Variants in PRKN observed in about 807,000 individuals in gnomAD.
PRKN encodes the protein E3 ubiquitin-protein ligase parkin.
In PRKN, 56 loss-of-function variants were observed where a neutral mutation model predicts 59.5. That is an observed-to-expected ratio of 0.94 (90% CI 0.76 to 1.18). The LOEUF (loss-of-function observed/expected upper bound fraction) is 1.18. PRKN is among the 50% of genes most tolerant of loss of function. PRKN has a pLI of 0.00. For missense variants in PRKN, 657 were observed against 596.4 expected (o/e 1.10, Z -1.06); for synonymous variants, 250 against 222.1 (o/e 1.13, Z -1.12).
chr6:162,166,679 T>C (rs1245960396), intron 4 of PRKN, among the ~76,000 whole-genome samples: 1 of 152,188 alleles, frequency 6.6e-6, no homozygotes, highest in East Asian at 1.9e-4. Flanking sequence ...TGGAGAAGGA[T>C]AGATAGATAT....
chr6:162,405,383 G>A (rs1490741453), intron 2 of PRKN, among the ~76,000 whole-genome samples: 1 of 152,144 alleles, frequency 6.6e-6, no homozygotes, highest in Non-Finnish European at 1.5e-5. Context: ...TTGGACATCT[G>A]TATGAATTCA....
chr6:162,470,523 G>A (rs1000338185), intron 1 of PRKN, among the ~76,000 whole-genome samples: 2 of 151,946 alleles, frequency 1.3e-5, no homozygotes, highest in African/African-American at 2.4e-5. Context: ...CCCGGGAGGC[G>A]GAGGTTGCAG....
intron 9 of PRKN, among the ~76,000 whole-genome samples, chr6:161,441,057 G>C (rs1789191913): frequency 6.6e-6 from 1 of 152,136 alleles, no homozygotes; most frequent in African/African-American, 2.4e-5. Flanking sequence ...TTGAATTTTG[G>C]CCAGCTAAAC....
intron 9 of PRKN, among the ~76,000 whole-genome samples, chr6:161,521,423 C>T (rs11967382): frequency 0.14 from 21,760 of 152,172 alleles, 1,707 homozygotes; most frequent in African/African-American, 0.19. Context: ...TATGCAGAAA[C>T]TCAACTGCAC....
chr6:162,013,544 G>A (rs1782817812), intron 5 of PRKN, among the ~76,000 whole-genome samples: 1 of 152,134 alleles, frequency 6.6e-6, no homozygotes, highest in South Asian at 2.1e-4. Flanking sequence ...GACGAAGCTA[G>A]GAAATGTGTG....
At chr6:162,426,758 C>T (rs530146959) in intron 2 of PRKN, among the ~76,000 whole-genome samples, 164 of 152,344 alleles carry the variant, frequency 1.1e-3, no homozygotes, top group African/African-American at 3.9e-3. Flanking sequence ...AAAACCAAAA[C>T]TTTAAAATGT....
intron 7 of PRKN, among the ~76,000 whole-genome samples, chr6:161,768,235 CT>C (rs1205184671): frequency 2.6e-5 from 4 of 152,082 alleles, no homozygotes; most frequent in African/African-American, 9.7e-5. Flanking sequence ...TTTGGGATGG[CT>C]CAAATGCATC....
rs1258512029 is a variant in PRKN, at chr6:161,545,302, G to T, written c.1083+3552C>A. On this transcript the variant is annotated intron_variant, in intron 9 of 11. Coordinates refer to ENST00000366898, the MANE Select transcript of PRKN (RefSeq NM_004562.3). The surrounding 1 kb of genome is among the most constrained non-coding windows in gnomAD (Gnocchi z 4.1). ...CCTGATAATCACTGGAGTTAATGAC[G>T]TCTAGGGCTTTTTCCACATCTGGAA... The T allele has an allele frequency of 6.4e-7, 1 of 1,558,272 alleles. No homozygotes were observed.
chr6:162,240,453 G>A (rs867248281), intron 3 of PRKN, among the ~76,000 whole-genome samples: 3 of 151,962 alleles, frequency 2.0e-5, no homozygotes, highest in Non-Finnish European at 4.4e-5. Flanking sequence ...AGATATTAAC[G>A]AAAAATTGCT....
intron 3 of PRKN, among the ~76,000 whole-genome samples, chr6:162,220,459 A>C (rs575686104): frequency 1.3e-5 from 2 of 152,260 alleles, no homozygotes; most frequent in Admixed American, 1.3e-4. Context: ...ATGGGGGAAA[A>C]ATTTTCAACA....
intron 6 of PRKN, among the ~76,000 whole-genome samples, chr6:161,941,190 G>A (rs1276489922): frequency 1.3e-5 from 2 of 152,164 alleles, no homozygotes; most frequent in Non-Finnish European, 2.9e-5. Flanking sequence ...CATTTCCCAA[G>A]ACCACCCTGG....
chr6:162,256,010 G>T (rs530797700), intron 3 of PRKN, among the ~76,000 whole-genome samples: 14 of 152,224 alleles, frequency 9.2e-5, no homozygotes, highest in African/African-American at 3.4e-4. Flanking sequence ...AATTTGCAAA[G>T]AATTAGAATC....
chr6:162,243,573 T>C (rs753267621), intron 3 of PRKN, among the ~76,000 whole-genome samples: 1 of 152,182 alleles, frequency 6.6e-6, no homozygotes, highest in Non-Finnish European at 1.5e-5. Context: ...TAGAGGTTTC[T>C]AGTACATAGT....
At chr6:162,070,905 C>T (rs546491804) in intron 4 of PRKN, among the ~76,000 whole-genome samples, 18 of 152,098 alleles carry the variant, frequency 1.2e-4, no homozygotes, top group Admixed American at 6.5e-4. Context: ...TTGGGCACCG[C>T]TGCCCTAGGG....
chr6:161,637,849 G>A (rs1783585388), intron 7 of PRKN, among the ~76,000 whole-genome samples: 1 of 152,128 alleles, frequency 6.6e-6, no homozygotes, highest in African/African-American at 2.4e-5. Flanking sequence ...AAATTTGGGC[G>A]TGCTCCCAGA....
intron 7 of PRKN, among the ~76,000 whole-genome samples, chr6:161,637,810 G>A (rs1783583856): frequency 1.3e-5 from 2 of 152,170 alleles, no homozygotes; most frequent in African/African-American, 4.8e-5. Context: ...TCCCTTACTT[G>A]AGAGCAAATA....
intron 2 of PRKN, among the ~76,000 whole-genome samples, chr6:162,383,358 A>G (rs1471689696): frequency 6.6e-6 from 1 of 152,236 alleles, no homozygotes. Context: ...CAAGCATGAA[A>G]ACAACATTCA....
chr6:161,501,998 G>A (rs766166863), intron 9 of PRKN, among the ~76,000 whole-genome samples: 5 of 152,140 alleles, frequency 3.3e-5, no homozygotes, highest in Non-Finnish European at 7.3e-5. Context: ...TGACATGAGA[G>A]AGAAAGTCTG....
At chr6:161,733,783 AATATATATATATATGTATATATATAT>A (rs1787829360) in intron 7 of PRKN, among the ~76,000 whole-genome samples, 1 of 86,228 alleles carries the variant, frequency 1.2e-5, no homozygotes, top group Non-Finnish European at 1.9e-5. Flanking sequence ...AAAAAAAAAA[AATATATATATATATGTATATATATAT>A]ATATATATAT....
Sources: gnomAD v4.1 joint callset for allele counts (sites outside exome capture counted in the v4.1 genomes callset) on GRCh38, gnomAD v4.1.1 for gene constraint, Gnocchi (gnomAD v3.1) non-coding constraint, MANE v1.5 for transcripts, NCBI Gene and HGNC (gene_info 2026-07-23, HGNC 2026-07-21) for gene names.